Variants in VWA5B2 observed in about 807,000 individuals in gnomAD.
VWA5B2 encodes von Willebrand factor A domain containing 5B2.
A neutral mutation model predicts 118.5 loss-of-function variants in VWA5B2; 93 were observed. That is an observed-to-expected ratio of 0.79 (90% CI 0.66 to 0.93). The LOEUF (loss-of-function observed/expected upper bound fraction) is 0.93, where lower values mean the gene tolerates loss of function less well. Among genes scored for constraint, VWA5B2 ranks in the 40% least tolerant of loss-of-function variants. The probability of loss-of-function intolerance (pLI) is 0.00; values close to 1 mark genes in which losing one functional copy is unlikely to be tolerated. For synonymous variants in VWA5B2, 708 were observed against 716.3 expected, an observed-to-expected ratio of 0.99 and a Z score of 0.19; for missense variants, 1,546 against 1,672.8, an observed-to-expected ratio of 0.92 and a Z score of 1.32.
chr3:184,230,361 C>T lies in VWA5B2; in HGVS notation c.-149-19C>T. The T allele has an allele frequency of 3.8e-6, 3 of 794,696 alleles. No individual in the cohort carries two copies. Among genetic ancestry groups the T allele is most frequent in the Non-Finnish European group, 5.3e-6 (3 of 568,836 alleles). 49.2% of individuals were successfully genotyped at this position (794,696 alleles called of 1,614,324 possible). ...ACGCCTGCCGCCCCCTTATCTCCCC[C>T]GCCACCTGTCGCCCTCAGGAGCTCC... On this transcript the variant is annotated intron_variant, in intron 1 of 19. Transcript: ENST00000691901.
chr3:184,235,097 C>A, intron 7 of VWA5B2, 56 bp from the exon 8 acceptor site: 1 of 1,526,116 alleles, frequency 6.6e-7, no homozygotes, highest in Non-Finnish European at 8.9e-7. Flanking sequence ...CACTGCCCAC[C>A]CTCAACAAAG....
rs1194987581 is a variant in VWA5B2, at chr3:184,241,964, C to T, written c.3655C>T (p.Leu1219Phe). The part of the protein sequence containing the change: ...LAALKAAARG[L>F]FLLLRHWDQN... ...CGCCCTCAAGGCCGCAGCCCGAGGG[C>T]TCTTCCTGCTACTGCGCCACTGGGA... is the stretch of plus-strand genomic sequence containing the variant. The change falls in exon 20 of 20, where the codon CTC becomes TTC. Residue 1219 changes from leucine (L) to phenylalanine (F), a missense_variant. Leu to Phe is a conservative substitution (Grantham distance 22, BLOSUM62 0). This residue lies in a region of VWA5B2 where 763 missense variants were observed against 766.6 expected (regional missense o/e 1.00). Transcript: ENST00000691901. This position sits in a 1 kb window ranked among gnomAD's most constrained non-coding sequence, Gnocchi z 5.1. 1 of 1,549,992 alleles carries T rather than the reference C, an allele frequency of 6.5e-7. No homozygotes were observed. Among genetic ancestry groups the T allele is most frequent in the Non-Finnish European group, 8.7e-7 (1 of 1,146,914 alleles).
Position 184,239,433 on chromosome 3 carries a change from A to C in VWA5B2, c.2242A>C (p.Arg748=), listed in dbSNP as rs2049487157. 17 of 1,549,460 alleles carry C rather than the reference A, an allele frequency of 1.1e-5. No homozygotes were observed. Among genetic ancestry groups the C allele is most frequent in the Non-Finnish European group, 1.4e-5 (16 of 1,146,074 alleles). The part of the protein sequence containing the change: ...LSTEVLGRQH[R]AALAGRSLSS... Reference sequence around the variant, plus strand: ...TACTGAGGTGCTGGGCCGTCAGCACAGAGCGGCTCTGGCTGGCCGAAGCCT... The same window carrying C: ...TACTGAGGTGCTGGGCCGTCAGCACCGAGCGGCTCTGGCTGGCCGAAGCCT... The change falls in exon 15 of 20, where the codon AGA becomes CGA. Residue 748 remains arginine, a synonymous_variant. Coordinates refer to ENST00000691901, the MANE Select transcript of VWA5B2 (RefSeq NM_001390846.1). The surrounding 1 kb of genome is among the most constrained non-coding windows in gnomAD (Gnocchi z 5.1).
rs1303520541 is a variant in VWA5B2 at position 184,236,758 on chromosome 3, G to A, written c.1533+9G>A. The A allele has an allele frequency of 6.6e-7, 1 of 1,510,834 alleles. No homozygotes were observed. Among genetic ancestry groups the A allele is most frequent in the Non-Finnish European group, 8.9e-7 (1 of 1,125,410 alleles). The allele number at this position is 1,510,834 out of a possible 1,614,324, so 93.6% of individuals were successfully genotyped here. On this transcript the variant is annotated intron_variant, in intron 11 of 19. Coordinates refer to ENST00000691901, the MANE Select transcript of VWA5B2 (RefSeq NM_001390846.1). ...AGAGGCTGCAGCCCATGGTGAGCTTGAGCCTGGGCCCTGTTCCCTACACCT... is the reference window on the plus strand; with the variant it reads ...AGAGGCTGCAGCCCATGGTGAGCTTAAGCCTGGGCCCTGTTCCCTACACCT...
At position 184,235,217 on chromosome 3, in the gene VWA5B2, T is replaced by C. The variant is rs1254845157; in HGVS notation, c.1010T>C (p.Phe337Ser). 1 of 1,551,682 alleles carries C rather than the reference T, an allele frequency of 6.4e-7. No homozygotes were observed. The highest frequency in any genetic ancestry group is 8.7e-7 in the Non-Finnish European group (1 of 1,146,968). The change falls in exon 8 of 20, where the codon TTC becomes TCC. Residue 337 changes from phenylalanine (F) to serine (S), a missense_variant. Around this residue, in one of 3 missense-constraint regions of VWA5B2, gnomAD observed 775 missense variants for 882.3 expected, o/e 0.88. Coordinates refer to ENST00000691901, the MANE Select transcript of VWA5B2 (RefSeq NM_001390846.1). ...CTGAACCCCGTGCTGGCGCTGAGCT[T>C]CTGCCCAGACCTGAGCTCCAAGCCC... ...ILLNPVLALSFCPDLSSKPGH... is the reference protein window; with the variant it reads ...ILLNPVLALSSCPDLSSKPGH...
chr3:184,234,354 C>A lies in VWA5B2; in HGVS notation c.777C>A (p.Gly259=). Residue 259 remains glycine (G), a synonymous_variant, in exon 6 of 20, where the codon GGC becomes GGA. Coordinates refer to ENST00000691901, the MANE Select transcript of VWA5B2 (RefSeq NM_001390846.1). ...CCATCTGTGTCACACTGGCAGAGGG[C>A]CACCACTGTGACCGGGCCTTGGAGA... ...AATICVTLAE[G]HHCDRALEIL... is the part of the protein sequence containing the mutation. The A allele has an allele frequency of 6.4e-7, 1 of 1,551,760 alleles. No homozygotes were observed.
At chr3:184,236,881 A>G (rs1718059430) in intron 11 of VWA5B2, 132 bp downstream of exon 11, 4 of 770,074 alleles carry the variant, frequency 5.2e-6, no homozygotes, top group Middle Eastern at 2.4e-4. Flanking sequence ...CCCCACTCCA[A>G]TCAGGGGAAG....
At position 184,241,622 on chromosome 3, in the gene VWA5B2, G is replaced by A; in HGVS notation, c.3313G>A (p.Ala1105Thr). 1.3e-6 allele frequency: 2 copies of A among 1,542,020 alleles called. No homozygotes were observed. Among genetic ancestry groups the A allele is most frequent in the Non-Finnish European group, 1.7e-6 (2 of 1,146,532 alleles). Reference protein sequence around the residue: ...VHRASLSPTSASLPWALLGPG... With the variant: ...VHRASLSPTSTSLPWALLGPG... The stretch of plus-strand genomic sequence containing the variant: ...CCGCGCCAGCCTCAGCCCCACCTCG[G>A]CCTCATTGCCCTGGGCACTTCTGGG... The change falls in exon 20 of 20, where the codon GCC becomes ACC. Residue 1105 changes from alanine (A) to threonine (T), a missense_variant. Physicochemically the swap from Ala to Thr is moderately conservative, Grantham distance 58 (BLOSUM62 0). This residue lies in a region of VWA5B2 where 763 missense variants were observed against 766.6 expected (regional missense o/e 1.00). Coordinates refer to ENST00000691901, the MANE Select transcript of VWA5B2 (RefSeq NM_001390846.1). The surrounding 1 kb of genome is among the most constrained non-coding windows in gnomAD (Gnocchi z 5.1).
In VWA5B2 at chr3:184,233,509, G is replaced by A; in HGVS notation, c.531-67G>A. 3 of 1,519,174 alleles carry A rather than the reference G, an allele frequency of 2.0e-6. No individual in the cohort carries two copies. Among genetic ancestry groups the A allele is most frequent in the East Asian group, 2.5e-5 (1 of 40,620 alleles). 94.1% of individuals were successfully genotyped at this position (1,519,174 alleles called of 1,614,324 possible). A position where few individuals can be genotyped will look rare whatever the true frequency, so the allele number is the denominator to read the frequency against. ...ATGGGAAGGGTGAGGAAGGGCTGGGGCCAGTCAGCCGGAGGGTTTAGGGGC... is the reference window on the plus strand; with the variant it reads ...ATGGGAAGGGTGAGGAAGGGCTGGGACCAGTCAGCCGGAGGGTTTAGGGGC... On this transcript the variant is annotated intron_variant, in intron 4 of 19. Transcript: ENST00000691901. This position sits in a 1 kb window ranked among gnomAD's most constrained non-coding sequence, Gnocchi z 5.2.
At position 184,230,906 on chromosome 3, in the gene VWA5B2, G is replaced by A; in HGVS notation, c.299G>A (p.Arg100His). ...GPGLGTPTPR[R>H]CAQGHLVLDL... ...GGGCTGGGGACCCCGACGCCCCGCC[G>A]CTGCGCGCAGGGTGAGTTCCGCGCG... The change falls in exon 3 of 20, where the codon CGC (arginine) becomes CAC (histidine). Residue 100 changes from arginine to histidine, a missense_variant. By Grantham distance (29) the Arg-to-His change is conservative. Coordinates refer to ENST00000691901, the MANE Select transcript of VWA5B2 (RefSeq NM_001390846.1). 2.5e-6 allele frequency: 3 copies of A among 1,219,622 alleles called. No homozygotes were observed. The highest frequency in any genetic ancestry group is 3.3e-5 in the East Asian group (1 of 29,914). The allele number at this position is 1,219,622 out of a possible 1,614,324, so 75.6% of individuals were successfully genotyped here.
chr3:184,236,118 C>CCGGCCT, intron 8 of VWA5B2, 34 bp from the exon 9 acceptor site: 1 of 1,530,938 alleles, frequency 6.5e-7, no homozygotes, highest in Non-Finnish European at 8.9e-7. Context: ...GCCCATGGGG[C>CCGGCCT]CGGCCTCACG....
In VWA5B2 at chr3:184,241,513, C is replaced by T; in HGVS notation, c.3204C>T (p.Gly1068=). ...LPLVRLQEAP[G]SFRLDAPFCA... Reference sequence around the variant, plus strand: ...AGGTGCGGCTGCAGGAGGCACCAGGCTCCTTCCGCCTGGACGCGCCCTTCT... The same window carrying T: ...AGGTGCGGCTGCAGGAGGCACCAGGTTCCTTCCGCCTGGACGCGCCCTTCT... The change falls in exon 20 of 20, where the codon GGC becomes GGT. Residue 1068 remains glycine (G), a synonymous_variant. Coordinates refer to ENST00000691901, the MANE Select transcript of VWA5B2 (RefSeq NM_001390846.1). This position sits in a 1 kb window ranked among gnomAD's most constrained non-coding sequence, Gnocchi z 5.1. 6.4e-7 allele frequency: 1 copy of T among 1,550,816 alleles called. No homozygotes were observed. Among genetic ancestry groups the T allele is most frequent in the Non-Finnish European group, 8.7e-7 (1 of 1,147,056 alleles).
At position 184,239,426 on chromosome 3, in the gene VWA5B2, T is replaced by C; in HGVS notation, c.2235T>C (p.Arg745=). Residue 745 remains arginine, a synonymous_variant, in exon 15 of 20, where the codon CGT becomes CGC. Coordinates refer to ENST00000691901, the MANE Select transcript of VWA5B2 (RefSeq NM_001390846.1). This position sits in a 1 kb window ranked among gnomAD's most constrained non-coding sequence, Gnocchi z 5.1. ...CCTTGAGTACTGAGGTGCTGGGCCG[T>C]CAGCACAGAGCGGCTCTGGCTGGCC... ...VGALSTEVLG[R]QHRAALAGRS... is the part of the protein sequence containing the mutation. 6.5e-7 allele frequency: 1 copy of C among 1,548,366 alleles called. No individual in the cohort carries two copies.
Position 184,242,269 on chromosome 3 carries a change from C to T in VWA5B2, c.*231C>T. ...CCTCCATCCTCTGAGCTCCCTGCAACACAGTGGAAGGGTAGAGAGCCACAG... is the reference window on the plus strand; with the variant it reads ...CCTCCATCCTCTGAGCTCCCTGCAATACAGTGGAAGGGTAGAGAGCCACAG... On this transcript the variant is annotated 3_prime_UTR_variant, in exon 20 of 20. Coordinates refer to ENST00000691901, the MANE Select transcript of VWA5B2 (RefSeq NM_001390846.1). 1 of 740,736 alleles carries T rather than the reference C, an allele frequency of 1.4e-6. No homozygotes were observed. Among genetic ancestry groups the T allele is most frequent in the Non-Finnish European group, 2.3e-6 (1 of 439,416 alleles). 45.9% of individuals were successfully genotyped at this position (740,736 alleles called of 1,614,324 possible).
Position 184,241,943 on chromosome 3 carries a change from C to T in VWA5B2, c.3634C>T (p.Leu1212Phe). 6.5e-7 allele frequency: 1 copy of T among 1,549,346 alleles called. No homozygotes were observed. The highest frequency in any genetic ancestry group is 8.7e-7 in the Non-Finnish European group (1 of 1,146,778). ...GCCTGACGGCCTTGACCTGGCCGCC[C>T]TCAAGGCCGCAGCCCGAGGGCTCTT... ...HLPDGLDLAA[L>F]KAAARGLFLL... Residue 1212 changes from leucine (L) to phenylalanine (F), a missense_variant, in exon 20 of 20, where the codon CTC becomes TTC. Leu to Phe is a conservative substitution (Grantham distance 22). This residue lies in a region of VWA5B2 where 763 missense variants were observed against 766.6 expected (regional missense o/e 1.00). Coordinates refer to ENST00000691901, the MANE Select transcript of VWA5B2 (RefSeq NM_001390846.1). The surrounding 1 kb of genome is among the most constrained non-coding windows in gnomAD (Gnocchi z 5.1).
chr3:184,242,080 ACTC>A lies in VWA5B2; in HGVS notation c.*43_*45del, dbSNP rs1444759344. The A allele has an allele frequency of 1.4e-5, 21 of 1,539,578 alleles. 1 individual carries two copies. The East Asian group carries it at 5.1e-4, about 38-fold the overall frequency. ...CTTGGGCTGGCGCCCCACCCAACACACTCAAGTCACTGCCGCCCAGGGCTGGCC... is the reference window on the plus strand; with the variant it reads ...CTTGGGCTGGCGCCCCACCCAACACAAAGTCACTGCCGCCCAGGGCTGGCC... On this transcript the variant is annotated 3_prime_UTR_variant, in exon 20 of 20. Coordinates refer to ENST00000691901, the MANE Select transcript of VWA5B2 (RefSeq NM_001390846.1).
In VWA5B2 at chr3:184,237,361, G is replaced by A. The variant is rs1348584059; in HGVS notation, c.1669G>A (p.Gly557Ser). ...PALYPGDQLL[G>S]YCSLFRVDGF... ...ACTCTACCCTGGGGACCAGCTGCTC[G>A]GTTACTGCTCACTCTTCAGGGTGGA... The change falls in exon 12 of 20, where the codon GGT (glycine) becomes AGT (serine). Residue 557 changes from glycine (G) to serine (S), a missense_variant. This residue lies in a region of VWA5B2 where 775 missense variants were observed against 882.3 expected (regional missense o/e 0.88). Coordinates refer to ENST00000691901, the MANE Select transcript of VWA5B2 (RefSeq NM_001390846.1). The surrounding 1 kb of genome is among the most constrained non-coding windows in gnomAD (Gnocchi z 5.6). The A allele has an allele frequency of 8.4e-6, 13 of 1,551,080 alleles. No individual in the cohort carries two copies. Among genetic ancestry groups the A allele is most frequent in the African/African-American group, 1.4e-5 (1 of 72,982 alleles).
rs1388603053 is a variant in VWA5B2, at chr3:184,237,171, T to G, written c.1534-55T>G. On this transcript the variant is annotated intron_variant, in intron 11 of 19. Transcript: ENST00000691901. The surrounding 1 kb of genome is among the most constrained non-coding windows in gnomAD (Gnocchi z 5.6). ...GGAAGGGCAGCCTTCCTGCTCTGTC[T>G]GGCCGTATGACACCTCTTTCCTTCC... is the stretch of plus-strand genomic sequence containing the variant. 6.6e-7 allele frequency: 1 copy of G among 1,525,644 alleles called. No individual in the cohort carries two copies. Among genetic ancestry groups the G allele is most frequent in the East Asian group, 2.5e-5 (1 of 40,590 alleles). The allele number at this position is 1,525,644 out of a possible 1,614,324, so 94.5% of individuals were successfully genotyped here. A position where few individuals can be genotyped will look rare whatever the true frequency, so the allele number is the denominator to read the frequency against.
chr3:184,239,122 C>A lies in VWA5B2; in HGVS notation c.2202+249C>A, dbSNP rs769201490. On this transcript the variant is annotated intron_variant, in intron 14 of 19. Coordinates refer to ENST00000691901, the MANE Select transcript of VWA5B2 (RefSeq NM_001390846.1). This position sits in a 1 kb window ranked among gnomAD's most constrained non-coding sequence, Gnocchi z 5.1. ...AGAGCCATATCTGGAAGAATAAGCA[C>A]GAGTTAGCCATGCAGAGAGGGAGAA... Among the ~76,000 whole-genome samples the A allele has an allele frequency of 6.6e-6, 1 of 152,072 alleles. No individual in the cohort carries two copies. The highest frequency in any genetic ancestry group is 2.4e-5 in the African/African-American group (1 of 41,398).
Sources: gnomAD v4.1 joint callset for allele counts (sites outside exome capture counted in the v4.1 genomes callset) on GRCh38, gnomAD v4.1.1 for gene constraint, gnomAD v4.1.1 regional missense constraint, Gnocchi (gnomAD v3.1) non-coding constraint, MANE v1.5 for transcripts, NCBI Gene and HGNC (gene_info 2026-07-23, HGNC 2026-07-21) for gene names.